The following CELF2 variants were observed in gnomAD, a reference collection of about 807,000 sequenced individuals.
CELF2 encodes the protein CUGBP Elav-like family member 2.
In CELF2, 8 loss-of-function variants were observed where a neutral mutation model predicts 62.6. The observed-to-expected ratio is 0.13, with a 90% confidence interval of 0.07 to 0.23. CELF2 has a LOEUF of 0.23. CELF2 is among the 10% of genes least tolerant of loss of function. The pLI, the probability that CELF2 is intolerant of heterozygous loss-of-function variation, is 1.00. For missense variants in CELF2, 333 were observed against 671.0 expected (o/e 0.50, Z 5.56); for synonymous variants, 258 against 250.0 (o/e 1.03, Z -0.30).
chr10:10,913,784 CAAAAG>C (rs962706916), intron 1 of CELF2, among the ~76,000 whole-genome samples: 131 of 138,810 alleles, frequency 9.4e-4, no homozygotes, highest in Middle Eastern at 7.2e-3. Context: ...AGCTAGTTGA[CAAAAG>C]AAAGAAAGAG....
At chr10:10,721,922 G>A in the CELF2 span, among the ~76,000 whole-genome samples, 1 of 152,220 alleles carries the variant, frequency 6.6e-6, no homozygotes, top group Non-Finnish European at 1.5e-5. Flanking sequence ...TGTAAATTGA[G>A]GGTCATGAAA....
intron 1 of CELF2, among the ~76,000 whole-genome samples, chr10:11,063,286 A>G (rs771682977): frequency 2.6e-5 from 4 of 152,240 alleles, no homozygotes; most frequent in Non-Finnish European, 5.9e-5. Flanking sequence ...GGGGCTACCT[A>G]TGAAATATTT....
intron 1 of CELF2, among the ~76,000 whole-genome samples, chr10:10,830,913 A>G (rs1234619490): frequency 6.6e-6 from 1 of 152,190 alleles, no homozygotes; most frequent in Non-Finnish European, 1.5e-5. Context: ...TTTTTGTCCA[A>G]TGCGTTAAAA....
the CELF2 span, among the ~76,000 whole-genome samples, chr10:10,751,070 C>T: frequency 6.6e-6 from 1 of 152,228 alleles, no homozygotes; most frequent in African/African-American, 2.4e-5. Flanking sequence ...ATATTCCTTG[C>T]ACTCTTTTTA....
intron 9 of CELF2, among the ~76,000 whole-genome samples, chr10:11,308,934 T>C (rs1591235809): frequency 6.6e-6 from 1 of 152,374 alleles, no homozygotes; most frequent in South Asian, 2.1e-4. Context: ...GAAATAGATT[T>C]ACTTTGTAAA....
At chr10:11,204,039 C>G (rs2059872242) in intron 2 of CELF2, among the ~76,000 whole-genome samples, 1 of 152,228 alleles carries the variant, frequency 6.6e-6, no homozygotes, top group Non-Finnish European at 1.5e-5. Context: ...TTGCCCACAT[C>G]AGCCCCGTTT....
chr10:11,281,059 TC>T (rs2088480368), intron 8 of CELF2, among the ~76,000 whole-genome samples: 1 of 151,272 alleles, frequency 6.6e-6, no homozygotes, highest in South Asian at 2.1e-4. Context: ...TCCTCCCTCT[TC>T]TCCGTGTCCT....
chr10:10,762,490 G>A, the CELF2 span, among the ~76,000 whole-genome samples: 1 of 152,164 alleles, frequency 6.6e-6, no homozygotes, highest in Non-Finnish European at 1.5e-5. Flanking sequence ...TAGATTAATA[G>A]AGACACCCAG....
At chr10:10,621,938 A>G in the CELF2 span, among the ~76,000 whole-genome samples, 1 of 152,212 alleles carries the variant, frequency 6.6e-6, no homozygotes, top group Non-Finnish European at 1.5e-5. Context: ...AGAAAAAAAT[A>G]TTTCCTTCAG....
the CELF2 span, among the ~76,000 whole-genome samples, chr10:10,533,922 A>T: frequency 6.6e-6 from 1 of 152,342 alleles, no homozygotes; most frequent in Admixed American, 6.5e-5. Context: ...ACTGAAGAAG[A>T]GAGTATGAAG....
chr10:11,157,382 C>T lies in CELF2; in HGVS notation c.75-8104C>T, dbSNP rs1047406209. Among the ~76,000 whole-genome samples, 8 of 129,436 alleles carry T rather than the reference C, an allele frequency of 6.2e-5. No individual in the cohort carries two copies. Among genetic ancestry groups the T allele is most frequent in the African/African-American group, 1.7e-4 (6 of 34,488 alleles). 84.9% of individuals were successfully genotyped at this position (129,436 alleles called of 152,430 possible). A position where few individuals can be genotyped will look rare whatever the true frequency, so the allele number is the denominator to read the frequency against. On this transcript the variant is annotated intron_variant, in intron 1 of 12. Coordinates refer to ENST00000633077, the MANE Select transcript of CELF2 (RefSeq NM_001326342.2). This position sits in a 1 kb window ranked among gnomAD's most constrained non-coding sequence, Gnocchi z 4.9. ...CCTGTTGTCTTTTGACTTTGATATC[C>T]GCCCTCCCCCCACACACACACACAC... is the stretch of plus-strand genomic sequence containing the variant.
chr10:10,630,830 C>T, the CELF2 span, among the ~76,000 whole-genome samples: 1 of 152,178 alleles, frequency 6.6e-6, no homozygotes, highest in Non-Finnish European at 1.5e-5. Flanking sequence ...AAGAAAACTG[C>T]ATAGGTGAAA....
chr10:10,696,481 G>A, the CELF2 span, among the ~76,000 whole-genome samples: 3 of 151,834 alleles, frequency 2.0e-5, no homozygotes, highest in Admixed American at 1.3e-4. Context: ...GCCCCCAGAG[G>A]TGGAGCCTAC....
the CELF2 span, among the ~76,000 whole-genome samples, chr10:10,772,932 C>A: frequency 6.6e-5 from 10 of 152,104 alleles, no homozygotes; most frequent in Non-Finnish European, 1.2e-4. Flanking sequence ...AGAAATGTTG[C>A]TTTTAATTTT....
chr10:10,830,864 AC>A (rs1241640338), intron 1 of CELF2, among the ~76,000 whole-genome samples: 1 of 152,208 alleles, frequency 6.6e-6, no homozygotes, highest in Non-Finnish European at 1.5e-5. Flanking sequence ...TGTTTTTATC[AC>A]AGTGGTACAC....
At chr10:11,083,403 C>T (rs61830425) in intron 1 of CELF2, among the ~76,000 whole-genome samples, 3 of 152,082 alleles carry the variant, frequency 2.0e-5, no homozygotes, top group African/African-American at 7.2e-5. Flanking sequence ...ATAACAGGGA[C>T]GGGAAGAGGC....
intron 1 of CELF2, among the ~76,000 whole-genome samples, chr10:10,886,061 G>T (rs931889937): frequency 6.6e-6 from 1 of 152,134 alleles, no homozygotes; most frequent in Non-Finnish European, 1.5e-5. Context: ...TAATCTGGAT[G>T]GGTGGTCTTT....
At chr10:10,842,509 A>T (rs576485465) in intron 1 of CELF2, among the ~76,000 whole-genome samples, 65 of 152,166 alleles carry the variant, frequency 4.3e-4, no homozygotes, top group Non-Finnish European at 7.8e-4. Context: ...AATGAATGTT[A>T]GAATTTTTCA....
At chr10:10,549,575 C>T in the CELF2 span, among the ~76,000 whole-genome samples, 70 of 152,332 alleles carry the variant, frequency 4.6e-4, 1 homozygote, top group African/African-American at 1.6e-3. Flanking sequence ...TGAGCCACTG[C>T]GCCCGGCCCC....
Sources: allele counts gnomAD v4.1 joint callset (sites outside exome capture counted in the v4.1 genomes callset), GRCh38; gene constraint gnomAD v4.1.1; non-coding constraint Gnocchi (gnomAD v3.1); transcripts MANE v1.5; gene names NCBI Gene and HGNC (gene_info 2026-07-23, HGNC 2026-07-21).